ARHGAP10: variants seen among roughly 807,000 people sequenced by gnomAD.
The protein encoded by ARHGAP10 is Rho GTPase activating protein 10, also known as rho GTPase-activating protein 10.
A neutral mutation model predicts 108.6 loss-of-function variants in ARHGAP10; 87 were observed. The ratio of observed to expected loss-of-function variants is 0.80; its 90% CI spans 0.67 to 0.96. ARHGAP10 has a LOEUF of 0.96. ARHGAP10 is among the 40% of genes least tolerant of loss of function. ARHGAP10 has a pLI of 0.00. For missense variants in ARHGAP10, 939 were observed against 954.5 expected (o/e 0.98, Z 0.21); for synonymous variants, 347 against 341.1 (o/e 1.02, Z -0.19).
chr4:147,841,384 T>C (rs1733409654), intron 3 of ARHGAP10, among the ~76,000 whole-genome samples: 2 of 152,238 alleles, frequency 1.3e-5, no homozygotes, highest in South Asian at 4.1e-4. Flanking sequence ...TTATCTAATT[T>C]CTAATATGTT....
At chr4:147,839,661 A>G (rs988108749) in intron 3 of ARHGAP10, among the ~76,000 whole-genome samples, 5 of 152,184 alleles carry the variant, frequency 3.3e-5, no homozygotes, top group African/African-American at 4.8e-5. Flanking sequence ...CAGAACTTAG[A>G]CTTTGATTTC....
At chr4:148,033,092 T>C (rs1728225142) in intron 19 of ARHGAP10, among the ~76,000 whole-genome samples, 1 of 152,234 alleles carries the variant, frequency 6.6e-6, no homozygotes, top group South Asian at 2.1e-4. Flanking sequence ...TCTTATTTAT[T>C]CTCTTCTTCA....
intron 13 of ARHGAP10, among the ~76,000 whole-genome samples, chr4:147,923,159 T>C (rs1202684088): frequency 6.6e-6 from 1 of 152,258 alleles, no homozygotes; most frequent in Admixed American, 6.5e-5. Flanking sequence ...AGGATTGTTT[T>C]TCATTCCTTT....
intron 7 of ARHGAP10, among the ~76,000 whole-genome samples, chr4:147,867,896 G>T: frequency 7.3e-6 from 1 of 136,952 alleles, no homozygotes; most frequent in East Asian, 2.2e-4. Context: ...AGTTGAGAGT[G>T]AATACCTTTT....
chr4:147,820,720 A>G (rs910653163), intron 1 of ARHGAP10, among the ~76,000 whole-genome samples: 1 of 148,896 alleles, frequency 6.7e-6, no homozygotes, highest in Non-Finnish European at 1.5e-5. Context: ...CCTCCCAAGT[A>G]GCTGGTATTA....
At position 148,066,312 on chromosome 4, in the gene ARHGAP10, A is replaced by C. The variant is rs534068791; in HGVS notation, c.2272+1805A>C. 2.6e-5 allele frequency among the ~76,000 whole-genome samples: 4 copies of C among 152,346 alleles called. No individual in the cohort carries two copies. The East Asian group carries it at 7.7e-4, about 29-fold the overall frequency. ...ATCCCAGTATGCAGAACTGAGTCAC[A>C]TGCTTACCCTACATCCATCATTTGC... On this transcript the variant is annotated intron_variant, in intron 22 of 22. Transcript: ENST00000336498.
chr4:147,785,053 AGAT>A (rs1447660032), intron 1 of ARHGAP10, among the ~76,000 whole-genome samples: 48 of 134,568 alleles, frequency 3.6e-4, no homozygotes, highest in Non-Finnish European at 5.7e-4. Flanking sequence ...GTTGATTCCA[AGAT>A]GATGAAATGT....
At chr4:147,988,529 T>G (rs956190919) in intron 18 of ARHGAP10, among the ~76,000 whole-genome samples, 3 of 152,158 alleles carry the variant, frequency 2.0e-5, no homozygotes, top group African/African-American at 7.2e-5. Flanking sequence ...AGACCCACTT[T>G]AAAAATGTGA....
intron 18 of ARHGAP10, among the ~76,000 whole-genome samples, chr4:148,021,523 ATAT>A (rs1442826822): frequency 6.6e-6 from 1 of 152,224 alleles, no homozygotes; most frequent in Non-Finnish European, 1.5e-5. Context: ...AACATCAAAC[ATAT>A]TAGTAGGTAA....
chr4:147,915,940 T>C (rs183216788), intron 13 of ARHGAP10, among the ~76,000 whole-genome samples: 1 of 152,230 alleles, frequency 6.6e-6, no homozygotes, highest in East Asian at 1.9e-4. Context: ...CCTGTCTGTA[T>C]AAAAATTTTT....
intron 12 of ARHGAP10, among the ~76,000 whole-genome samples, chr4:147,910,745 A>G (rs1281185411): frequency 3.3e-5 from 5 of 152,130 alleles, no homozygotes; most frequent in Non-Finnish European, 5.9e-5. Flanking sequence ...CTTTTGACAT[A>G]TTTGGAAAAA....
intron 18 of ARHGAP10, among the ~76,000 whole-genome samples, chr4:147,979,403 G>T (rs1189657096): frequency 6.6e-6 from 1 of 152,046 alleles, no homozygotes; most frequent in East Asian, 1.9e-4. Context: ...TGTTCCATTG[G>T]TCTATATATC....
chr4:147,734,674 T>C (rs1728351662), intron 1 of ARHGAP10, among the ~76,000 whole-genome samples: 1 of 152,148 alleles, frequency 6.6e-6, no homozygotes, highest in African/African-American at 2.4e-5. Context: ...GCAGGTCTTA[T>C]TCTTTTGCGT....
intron 4 of ARHGAP10, among the ~76,000 whole-genome samples, 180 bp from the exon 5 acceptor site, chr4:147,857,373 T>C (rs1000319410): frequency 1.6e-4 from 25 of 152,228 alleles, no homozygotes; most frequent in African/African-American, 5.5e-4. Flanking sequence ...TCTATCCTAA[T>C]GCTGTCTTGA....
At chr4:147,753,810 G>A (rs1729263118) in intron 1 of ARHGAP10, among the ~76,000 whole-genome samples, 1 of 152,290 alleles carries the variant, frequency 6.6e-6, no homozygotes, top group African/African-American at 2.4e-5. Flanking sequence ...TTTACATTGG[G>A]ATGAGAGTGA....
intron 10 of ARHGAP10, among the ~76,000 whole-genome samples, chr4:147,894,671 C>A (rs1483585155): frequency 6.6e-6 from 1 of 152,002 alleles, no homozygotes; most frequent in Non-Finnish European, 1.5e-5. Context: ...TATAATTAGT[C>A]CATGACTCAT....
rs576056949 is a variant in ARHGAP10, at chr4:147,921,887, C to A, written c.1228+8748C>A. ...CTTTACACCACCTTTCCTCCACTGT[C>A]TTGGTCTTGCTGAAAACCAACATTA... On this transcript the variant is annotated intron_variant, in intron 13 of 22. Transcript: ENST00000336498. 1.1e-4 allele frequency among the ~76,000 whole-genome samples: 17 copies of A among 152,266 alleles called. No individual in the cohort carries two copies. In the South Asian group the frequency reaches 2.9e-3, roughly 26 times the overall value.
Position 148,014,452 on chromosome 4 carries a change from G to C in ARHGAP10, c.1717-8811G>C, listed in dbSNP as rs549907249. 5.1e-4 allele frequency among the ~76,000 whole-genome samples: 77 copies of C among 152,314 alleles called. No individual in the cohort carries two copies. The South Asian group carries it at 0.014, about 28-fold the overall frequency. On this transcript the variant is annotated intron_variant, in intron 18 of 22. Transcript: ENST00000336498. ...AATTGGGGATATATGTTCACACCGT[G>C]AACATAACAGTGATGCAGCTTTGGC...
At chr4:147,942,336 T>G (rs1368684740) in intron 14 of ARHGAP10, among the ~76,000 whole-genome samples, 1 of 152,208 alleles carries the variant, frequency 6.6e-6, no homozygotes, top group Admixed American at 6.5e-5. Flanking sequence ...TTCTCTGTAG[T>G]TCTTGAGAGC....
Sources: allele counts gnomAD v4.1 joint callset (sites outside exome capture counted in the v4.1 genomes callset), GRCh38; gene constraint gnomAD v4.1.1; transcripts MANE v1.5; gene names NCBI Gene and HGNC (gene_info 2026-07-23, HGNC 2026-07-21).